The following LRRC61 variants were observed in gnomAD, a reference collection of about 807,000 sequenced individuals.
The protein encoded by LRRC61 is leucine-rich repeat-containing protein 61.
A neutral mutation model predicts 15.1 loss-of-function variants in LRRC61; 9 were observed. That is an observed-to-expected ratio of 0.60 (90% confidence interval 0.36 to 1.04). The LOEUF is 1.04. LRRC61 is among the 50% of genes least tolerant of loss of function. The probability of loss-of-function intolerance (pLI) is 0.01; values close to 1 mark genes in which losing one functional copy is unlikely to be tolerated. For missense variants in LRRC61, 344 were observed against 335.6 expected, an observed-to-expected ratio of 1.03 and a Z score of -0.20; for synonymous variants, 173 against 158.6, an observed-to-expected ratio of 1.09 and a Z score of -0.68.
At position 150,337,462 on chromosome 7, in the gene LRRC61, G is replaced by A; in HGVS notation, c.601G>A (p.Glu201Lys). 4.4e-6 allele frequency: 7 copies of A among 1,603,796 alleles called. No homozygotes were observed. Among genetic ancestry groups the A allele is most frequent in the Non-Finnish European group, 5.9e-6 (7 of 1,179,720 alleles). ...AGCCACCGAGGCCCAGCCCTGGGTG[G>A]AGCCAGGCTACTGGGAGTCCTGGCC... ...PRATEAQPWV[E>K]PGYWESWPSR... The change falls in exon 3 of 3, where the codon GAG (glutamate) becomes AAG (lysine). Residue 201 changes from glutamate (E) to lysine (K), a missense_variant. Physicochemically the swap from Glu to Lys is moderately conservative, Grantham distance 56 (BLOSUM62 1). Coordinates refer to ENST00000359623, the MANE Select transcript of LRRC61 (RefSeq NM_001142928.2).
upstream of LRRC61, among the ~76,000 whole-genome samples, chr7:150,319,332 C>G (rs183248696): frequency 3.3e-5 from 5 of 152,100 alleles, no homozygotes; most frequent in East Asian, 9.6e-4. Context: ...CTTGGCCTCC[C>G]GAATAGCTGG....
At chr7:150,334,337 C>T (rs1227815118) in intron 2 of LRRC61, among the ~76,000 whole-genome samples, 3 of 152,068 alleles carry the variant, frequency 2.0e-5, no homozygotes, top group Admixed American at 6.6e-5. Flanking sequence ...AAAAGCCTTC[C>T]GTGTTCTCCT....
Position 150,335,981 on chromosome 7 carries a change from G to A in LRRC61, c.-144-737G>A, listed in dbSNP as rs1481768278. Reference sequence around the variant, plus strand: ...CGTGCTGTCTGGCACGTATATCAGTGCTGTTCCATTGATCTGTCCAGCTGA... The same window carrying A: ...CGTGCTGTCTGGCACGTATATCAGTACTGTTCCATTGATCTGTCCAGCTGA... On this transcript the variant is annotated intron_variant, in intron 2 of 2. Transcript: ENST00000359623. The surrounding 1 kb of genome is among the most constrained non-coding windows in gnomAD (Gnocchi z 4.3). Among the ~76,000 whole-genome samples the A allele has an allele frequency of 6.6e-6, 1 of 152,196 alleles. No homozygotes were observed. The highest frequency in any genetic ancestry group is 1.5e-5 in the Non-Finnish European group (1 of 68,028).
In LRRC61 at chr7:150,337,771, C is replaced by G. The variant is rs1220605837; in HGVS notation, c.*130C>G. Reference sequence around the variant, plus strand: ...TGCACACTGGGCTATTGCTTTATCCCTATCCTGAGAGCAGCCCCTCCCCAC... The same window carrying G: ...TGCACACTGGGCTATTGCTTTATCCGTATCCTGAGAGCAGCCCCTCCCCAC... On this transcript the variant is annotated 3_prime_UTR_variant, in exon 3 of 3. Transcript: ENST00000359623. 3.0e-6 allele frequency: 3 copies of G among 990,418 alleles called. No individual in the cohort carries two copies. The African/African-American group carries it at 4.9e-5, about 16-fold the overall frequency. The allele number at this position is 990,418 out of a possible 1,614,324, so 61.4% of individuals were successfully genotyped here.
chr7:150,337,635 C>T lies in LRRC61; in HGVS notation c.774C>T (p.Val258=). 2 of 1,523,018 alleles carry T rather than the reference C, an allele frequency of 1.3e-6. No individual in the cohort carries two copies. The highest frequency in any genetic ancestry group is 8.8e-7 in the Non-Finnish European group (1 of 1,137,508). 94.3% of individuals were successfully genotyped at this position (1,523,018 alleles called of 1,614,324 possible). A position where few individuals can be genotyped will look rare whatever the true frequency, so the allele number is the denominator to read the frequency against. ...LSSAGPTSSF[V]F The stretch of plus-strand genomic sequence containing the variant: ...CTGCGGGCCCCACCTCTTCCTTCGT[C>T]TTCTGAACGTGGCCTATGGCCCAGG... Residue 258 remains valine (V), a synonymous_variant, in exon 3 of 3, where the codon GTC becomes GTT. Transcript: ENST00000359623.
Position 150,337,019 on chromosome 7 carries a change from T to C in LRRC61, c.158T>C (p.Leu53Pro). The C allele has an allele frequency of 6.2e-7, 1 of 1,613,804 alleles. No homozygotes were observed. Among genetic ancestry groups the C allele is most frequent in the South Asian group, 1.1e-5 (1 of 91,086 alleles). Residue 53 changes from leucine (L) to proline (P), a missense_variant, in exon 3 of 3, where the codon CTG (leucine) becomes CCG (proline). Leu to Pro is a moderately conservative substitution (Grantham distance 98, BLOSUM62 -3). Coordinates refer to ENST00000359623, the MANE Select transcript of LRRC61 (RefSeq NM_001142928.2). ...LADLGCLGEC[L>P]GLEWLDLSGN... ...GACCTGGGCTGCCTGGGAGAGTGCC[T>C]GGGCCTGGAGTGGCTGGACCTATCA...
intron 2 of LRRC61, among the ~76,000 whole-genome samples, chr7:150,329,230 G>A (rs1285941367): frequency 6.6e-6 from 1 of 152,216 alleles, no homozygotes; most frequent in African/African-American, 2.4e-5. Flanking sequence ...AGCTTCTGCC[G>A]ACTTATCCCT....
chr7:150,331,451 G>A (rs992501702), intron 2 of LRRC61: 2 of 250,926 alleles, frequency 8.0e-6, no homozygotes, highest in African/African-American at 4.5e-5. Context: ...CTATTTGGTA[G>A]GAAAGGGTCA....
In LRRC61 at chr7:150,337,523, G is replaced by A. The variant is rs759737062; in HGVS notation, c.662G>A (p.Arg221Gln). The A allele has an allele frequency of 4.4e-5, 70 of 1,603,618 alleles. No individual in the cohort carries two copies. Among genetic ancestry groups the A allele is most frequent in the Middle Eastern group, 1.7e-4 (1 of 6,014 alleles). The part of the protein sequence containing the change: ...RSSSILEEAC[R>Q]QFQDTLQECW... ...AGCTCCATCCTGGAGGAGGCCTGCCGGCAGTTCCAGGACACACTGCAGGAG... is the reference window on the plus strand; with the variant it reads ...AGCTCCATCCTGGAGGAGGCCTGCCAGCAGTTCCAGGACACACTGCAGGAG... Residue 221 changes from arginine (R) to glutamine (Q), a missense_variant, in exon 3 of 3, where the codon CGG becomes CAG. Transcript: ENST00000359623.
intron 2 of LRRC61, among the ~76,000 whole-genome samples, chr7:150,334,633 A>G (rs534463968): frequency 1.3e-5 from 2 of 152,238 alleles, no homozygotes; most frequent in South Asian, 4.1e-4. Flanking sequence ...CTGCCTCCTG[A>G]GCCCCACGCC....
chr7:150,327,858 G>T (rs959038552), intron 2 of LRRC61, among the ~76,000 whole-genome samples: 3 of 149,540 alleles, frequency 2.0e-5, no homozygotes, highest in African/African-American at 7.4e-5. Context: ...TTGCGTAAAA[G>T]TTCCTAAGTG....
chr7:150,320,282 G>A (rs893482161), upstream of LRRC61, among the ~76,000 whole-genome samples: 4 of 152,196 alleles, frequency 2.6e-5, no homozygotes, highest in Non-Finnish European at 5.9e-5. Context: ...GAGGAAGAAC[G>A]CCCTACCTCA....
At chr7:150,332,429 ACT>A (rs1160159467) in intron 2 of LRRC61, 2 of 166,894 alleles carry the variant, frequency 1.2e-5, no homozygotes, top group African/African-American at 2.4e-5. Context: ...GAGGGGACAG[ACT>A]CTGCTCTCAC....
chr7:150,327,049 G>A (rs572996786), intron 2 of LRRC61, among the ~76,000 whole-genome samples: 5 of 152,178 alleles, frequency 3.3e-5, no homozygotes, highest in Admixed American at 6.5e-5. Context: ...TAGCCATCTC[G>A]TCACCTGTTA....
intron 2 of LRRC61, among the ~76,000 whole-genome samples, chr7:150,327,138 T>C (rs1008478958): frequency 2.0e-5 from 3 of 151,592 alleles, no homozygotes; most frequent in Admixed American, 6.6e-5. Context: ...CATTGTCAGA[T>C]CTTTTTTATC....
rs1798366894 is a variant in LRRC61, at chr7:150,337,980, C to T, written c.*339C>T. 2 of 426,224 alleles carry T rather than the reference C, an allele frequency of 4.7e-6. No individual in the cohort carries two copies. The highest frequency in any genetic ancestry group is 8.9e-6 in the Non-Finnish European group (2 of 224,376). 26.4% of individuals were successfully genotyped at this position (426,224 alleles called of 1,614,324 possible). ...AGGTAGGGATGGGCCAGCCTCCCGT[C>T]TCAGCTGTTGGGAGACAGTAGGCAG... On this transcript the variant is annotated 3_prime_UTR_variant, in exon 3 of 3. Coordinates refer to ENST00000359623, the MANE Select transcript of LRRC61 (RefSeq NM_001142928.2).
intron 1 of LRRC61, among the ~76,000 whole-genome samples, chr7:150,324,662 C>T (rs1329916259): frequency 6.6e-6 from 1 of 152,176 alleles, no homozygotes; most frequent in East Asian, 1.9e-4. Flanking sequence ...AATGAGAGTT[C>T]TTCCTGGTCT....
At chr7:150,312,682 G>A in the LRRC61 span, among the ~76,000 whole-genome samples, 1 of 152,130 alleles carries the variant, frequency 6.6e-6, no homozygotes, top group South Asian at 2.1e-4. Context: ...TTTCTTTAAG[G>A]TGTCCATGCA....
At chr7:150,320,027 TTGAG>T (rs1206489133), upstream of LRRC61, among the ~76,000 whole-genome samples, 2 of 152,248 alleles carry the variant, frequency 1.3e-5, no homozygotes, top group Non-Finnish European at 2.9e-5. Context: ...TTGCCCTCTT[TTGAG>T]TAAGAAACTC....
Sources: gnomAD v4.1 joint callset for allele counts (sites outside exome capture counted in the v4.1 genomes callset) on GRCh38, gnomAD v4.1.1 for gene constraint, Gnocchi (gnomAD v3.1) non-coding constraint, MANE v1.5 for transcripts, NCBI Gene and HGNC (gene_info 2026-07-23, HGNC 2026-07-21) for gene names.